The following UBE2Q2 variants were observed in gnomAD, a reference collection of about 807,000 sequenced individuals.
UBE2Q2 encodes the protein ubiquitin-conjugating enzyme E2 Q2.
Under a neutral mutation model 59.9 loss-of-function variants are expected in UBE2Q2, and 54 were observed. That is an observed-to-expected ratio of 0.90 (90% CI 0.72 to 1.13). The LOEUF (loss-of-function observed/expected upper bound fraction) is 1.13. Ranked by LOEUF, UBE2Q2 falls within the 50% of genes most tolerant of loss-of-function variation. The probability of loss-of-function intolerance (pLI) is 0.00; values close to 1 mark genes in which losing one functional copy is unlikely to be tolerated. For synonymous variants in UBE2Q2, 165 were observed against 155.2 expected (o/e 1.06, Z -0.47); for missense variants, 433 against 441.9 (o/e 0.98, Z 0.18).
intron 8 of UBE2Q2, among the ~76,000 whole-genome samples, chr15:75,879,839 G>C (rs1052572595): frequency 4.6e-5 from 7 of 152,120 alleles, no homozygotes; most frequent in African/African-American, 2.4e-5. Context: ...GGATTCATAC[G>C]TGAGCAGTAA....
chr15:75,873,619 T>C lies in UBE2Q2; in HGVS notation c.588+51T>C. On this transcript the variant is annotated intron_variant, in intron 5 of 12. Coordinates refer to ENST00000267938, the MANE Select transcript of UBE2Q2 (RefSeq NM_173469.4). ...CTGGACTTTTGTGGTTAAATAATTG[T>C]AGTTAATACCAGGCAATTCATTAAC... The C allele has an allele frequency of 1.9e-6, 3 of 1,566,328 alleles. No homozygotes were observed. The South Asian group carries it at 3.6e-5, about 19-fold the overall frequency.
At chr15:75,879,032 G>T in intron 7 of UBE2Q2, 66 bp from the exon 8 acceptor site, 2 of 1,203,032 alleles carry the variant, frequency 1.7e-6, no homozygotes, top group South Asian at 1.6e-5. Flanking sequence ...GTTCATTTTT[G>T]AGTTTAGTTA....
At chr15:75,869,732 T>C (rs1897685214) in intron 4 of UBE2Q2, among the ~76,000 whole-genome samples, 1 of 152,230 alleles carries the variant, frequency 6.6e-6, no homozygotes, top group Non-Finnish European at 1.5e-5. Context: ...AGCATCACAT[T>C]GGCAACACCT....
intron 11 of UBE2Q2, among the ~76,000 whole-genome samples, chr15:75,891,727 C>CT (rs1194777528): frequency 1.3e-5 from 2 of 152,254 alleles, no homozygotes; most frequent in East Asian, 3.9e-4. Flanking sequence ...GGCTGGTTTT[C>CT]TTTTCAGTTA....
At chr15:75,852,716 A>G (rs369513492) in intron 1 of UBE2Q2, among the ~76,000 whole-genome samples, 8 of 152,352 alleles carry the variant, frequency 5.3e-5, no homozygotes, top group Admixed American at 6.5e-5. Context: ...GAATTTGAAG[A>G]AGAAAATGCA....
chr15:75,864,226 G>A (rs1260176673), intron 3 of UBE2Q2, among the ~76,000 whole-genome samples: 1 of 152,088 alleles, frequency 6.6e-6, no homozygotes, highest in Admixed American at 6.5e-5. Flanking sequence ...ATGCAGGGGT[G>A]ACTTGGAAAG....
Position 75,844,243 on chromosome 15 carries a change from G to A in UBE2Q2, c.180+397G>A, listed in dbSNP as rs369325060. On this transcript the variant is annotated intron_variant, in intron 1 of 12. Coordinates refer to ENST00000267938, the MANE Select transcript of UBE2Q2 (RefSeq NM_173469.4). ...TCCGGCTGTTGTTTGAGCCCAGGCC[G>A]GCAAGGGGAACGGCCCTTAAGTTTT... 19 of 1,494,338 alleles carry A rather than the reference G, an allele frequency of 1.3e-5. No homozygotes were observed. The South Asian group carries it at 1.6e-4, about 13-fold the overall frequency. 92.6% of individuals were successfully genotyped at this position (1,494,338 alleles called of 1,614,324 possible). A position where few individuals can be genotyped will look rare whatever the true frequency, so the allele number is the denominator to read the frequency against.
intron 11 of UBE2Q2, among the ~76,000 whole-genome samples, chr15:75,896,338 T>G (rs1899420702): frequency 6.6e-6 from 1 of 152,228 alleles, no homozygotes; most frequent in African/African-American, 2.4e-5. Context: ...ATGCAAAAAT[T>G]TCTGCCACAT....
At chr15:75,873,378 T>G (rs762064715) in intron 4 of UBE2Q2, 50 bp from the exon 5 acceptor site, 1 of 1,537,504 alleles carries the variant, frequency 6.5e-7, no homozygotes, top group Non-Finnish European at 8.7e-7. Context: ...CATAAGAAAC[T>G]GCTGAAGAAA....
At chr15:75,893,792 T>C (rs2141674520) in intron 11 of UBE2Q2, among the ~76,000 whole-genome samples, 1 of 152,336 alleles carries the variant, frequency 6.6e-6, no homozygotes, top group East Asian at 1.9e-4. Flanking sequence ...TATGTGAATT[T>C]GGAAATTAAA....
intron 1 of UBE2Q2, among the ~76,000 whole-genome samples, chr15:75,846,059 G>T (rs563996153): frequency 6.6e-6 from 1 of 152,234 alleles, no homozygotes; most frequent in South Asian, 2.1e-4. Flanking sequence ...TTTTATTATG[G>T]AAAATCATCA....
chr15:75,874,970 A>G lies in UBE2Q2; in HGVS notation c.589-1217A>G, dbSNP rs191126811. Reference sequence around the variant, plus strand: ...CTCTCCCTCCTTCAGTCTAATTTATATATTAATCTAATTTATAATTTTTAG... The same window carrying G: ...CTCTCCCTCCTTCAGTCTAATTTATGTATTAATCTAATTTATAATTTTTAG... On this transcript the variant is annotated intron_variant, in intron 5 of 12. Transcript: ENST00000267938. Among the ~76,000 whole-genome samples, 262 of 152,322 alleles carry G rather than the reference A, an allele frequency of 1.7e-3. 4 individuals carry two copies. The highest frequency in any genetic ancestry group is 5.7e-3 in the African/African-American group (237 of 41,574).
At chr15:75,894,733 G>GCTA (rs901613628) in intron 11 of UBE2Q2, among the ~76,000 whole-genome samples, 1 of 151,998 alleles carries the variant, frequency 6.6e-6, no homozygotes, top group Non-Finnish European at 1.5e-5. Flanking sequence ...TGAGTACCTT[G>GCTA]CTACTGATAA....
intron 4 of UBE2Q2, among the ~76,000 whole-genome samples, chr15:75,869,817 G>A (rs1483037854): frequency 6.6e-6 from 1 of 152,168 alleles, no homozygotes; most frequent in Non-Finnish European, 1.5e-5. Flanking sequence ...GCTTAGGCCA[G>A]TTGTCAGTCA....
At chr15:75,864,404 G>C (rs1897349235) in intron 3 of UBE2Q2, among the ~76,000 whole-genome samples, 1 of 151,880 alleles carries the variant, frequency 6.6e-6, no homozygotes, top group Non-Finnish European at 1.5e-5. Context: ...TAGGTAGAGG[G>C]GATGTCACTA....
At position 75,869,024 on chromosome 15, in the gene UBE2Q2, A is replaced by G. The variant is rs780850741; in HGVS notation, c.447+14A>G. ...GAGATGGCTGAAGTAGGTATTTTAT[A>G]TAAAAGAAGAGTTCATAAATTTCTT... On this transcript the variant is annotated intron_variant, in intron 4 of 12. Coordinates refer to ENST00000267938, the MANE Select transcript of UBE2Q2 (RefSeq NM_173469.4). 3.7e-6 allele frequency: 6 copies of G among 1,602,824 alleles called. No individual in the cohort carries two copies. Among genetic ancestry groups the G allele is most frequent in the African/African-American group, 1.3e-5 (1 of 74,312 alleles).
At chr15:75,870,033 T>C (rs1406505209) in intron 4 of UBE2Q2, among the ~76,000 whole-genome samples, 1 of 152,200 alleles carries the variant, frequency 6.6e-6, no homozygotes, top group Non-Finnish European at 1.5e-5. Context: ...TAAAATGTGC[T>C]TTTAGAATGC....
intron 9 of UBE2Q2, among the ~76,000 whole-genome samples, chr15:75,884,570 G>A (rs1898648697): frequency 6.6e-6 from 1 of 150,758 alleles, no homozygotes; most frequent in African/African-American, 2.4e-5. Context: ...AAAAGTGTGT[G>A]TTTGTTTGTT....
At chr15:75,844,061 C>A in intron 1 of UBE2Q2, 1 of 1,409,036 alleles carries the variant, frequency 7.1e-7, no homozygotes, top group Admixed American at 3.1e-5. Context: ...TCCGGCTTCT[C>A]GCCAGGGGCT....
Sources: allele counts gnomAD v4.1 joint callset (sites outside exome capture counted in the v4.1 genomes callset), GRCh38; gene constraint gnomAD v4.1.1; transcripts MANE v1.5; gene names NCBI Gene and HGNC (gene_info 2026-07-23, HGNC 2026-07-21).